DPP6: variants seen among roughly 807,000 people sequenced by gnomAD.
DPP6 encodes dipeptidyl peptidase like 6.
A neutral mutation model predicts 122.6 loss-of-function variants in DPP6; 69 were observed. The observed-to-expected ratio is 0.56, with a 90% CI of 0.46 to 0.69. The LOEUF (loss-of-function observed/expected upper bound fraction) is 0.69. DPP6 is among the 30% of genes least tolerant of loss of function. The pLI is 0.00. For synonymous variants in DPP6, 418 were observed against 433.1 expected, an observed-to-expected ratio of 0.97 and a Z score of 0.43; for missense variants, 928 against 1,116.9, an observed-to-expected ratio of 0.83 and a Z score of 2.41.
At chr7:154,205,286 A>C (rs1478969851) in intron 1 of DPP6, among the ~76,000 whole-genome samples, 1 of 152,316 alleles carries the variant, frequency 6.6e-6, no homozygotes, top group African/African-American at 2.4e-5. Context: ...TAGTCATGAT[A>C]CAGGACATTT....
chr7:153,783,412 TG>T, the DPP6 span, among the ~76,000 whole-genome samples: 1 of 152,054 alleles, frequency 6.6e-6, no homozygotes, highest in Non-Finnish European at 1.5e-5. Context: ...AAGAACAGCC[TG>T]GGGGGAACCA....
At chr7:154,482,119 T>C (rs1260058361) in intron 3 of DPP6, among the ~76,000 whole-genome samples, 1 of 152,222 alleles carries the variant, frequency 6.6e-6, no homozygotes, top group Admixed American at 6.5e-5. Context: ...GTGAGGATCA[T>C]GCAGATGAGT....
At chr7:154,334,085 T>G (rs1809183929) in intron 1 of DPP6, among the ~76,000 whole-genome samples, 1 of 152,092 alleles carries the variant, frequency 6.6e-6, no homozygotes, top group Non-Finnish European at 1.5e-5. Flanking sequence ...CGGTTATAGG[T>G]GTATCATCAA....
upstream of DPP6, among the ~76,000 whole-genome samples, chr7:153,884,987 A>AATACAC (rs1209555021): frequency 2.7e-4 from 31 of 116,466 alleles, no homozygotes; most frequent in Middle Eastern, 8.8e-3. Context: ...TCAAAACAAA[A>AATACAC]ATATATATAT....
intron 6 of DPP6, among the ~76,000 whole-genome samples, chr7:154,663,280 TG>T (rs1428980452): frequency 7.3e-5 from 4 of 54,790 alleles, no homozygotes; most frequent in African/African-American, 1.1e-4. Flanking sequence ...CATATAGTCA[TG>T]GTGAATCACC....
In DPP6 at chr7:154,130,962, A is replaced by T. The variant is rs1420124376; in HGVS notation, c.243+77899A>T. On this transcript the variant is annotated intron_variant, in intron 1 of 25. Coordinates refer to ENST00000377770, the MANE Select transcript of DPP6 (RefSeq NM_130797.4). ...TAGAGAAATAAGTTTTTGCAGGTGTAGTGAGAGTCAACATGAACATAAACC... is the reference window on the plus strand; with the variant it reads ...TAGAGAAATAAGTTTTTGCAGGTGTTGTGAGAGTCAACATGAACATAAACC... Among the ~76,000 whole-genome samples, 4 of 152,284 alleles carry T rather than the reference A, an allele frequency of 2.6e-5. No individual in the cohort carries two copies. In the South Asian group the frequency reaches 8.3e-4, roughly 32 times the overall value.
At chr7:153,927,944 C>T (rs1163545758) in intron 1 of DPP6, among the ~76,000 whole-genome samples, 2 of 152,140 alleles carry the variant, frequency 1.3e-5, no homozygotes, top group Non-Finnish European at 2.9e-5. Flanking sequence ...AAAAGAATAG[C>T]TTCTGAAGAC....
intron 1 of DPP6, among the ~76,000 whole-genome samples, chr7:154,300,287 G>T (rs1249372322): frequency 6.6e-6 from 1 of 152,216 alleles, no homozygotes; most frequent in Non-Finnish European, 1.5e-5. Context: ...TGCAGTCTTT[G>T]CTAAGTGTGT....
intron 1 of DPP6, among the ~76,000 whole-genome samples, chr7:154,128,496 G>A (rs113395593): frequency 0.41 from 62,740 of 151,840 alleles, 14,130 homozygotes; most frequent in Non-Finnish European, 0.51. Flanking sequence ...CCGCCTCCTG[G>A]GTTCACGCCA....
At chr7:153,936,896 A>C (rs6976477) in intron 1 of DPP6, among the ~76,000 whole-genome samples, 34,341 of 152,064 alleles carry the variant, frequency 0.23, 3,993 homozygotes, top group Middle Eastern at 0.33. Context: ...TCTGTCGTTT[A>C]TGCCAACAGT....
intron 3 of DPP6, among the ~76,000 whole-genome samples, chr7:154,489,042 G>A (rs566757725): frequency 2.3e-4 from 35 of 152,326 alleles, no homozygotes; most frequent in Non-Finnish European, 3.5e-4. Flanking sequence ...AAGCAACACC[G>A]ATATGAACAG....
At chr7:153,938,306 T>C (rs1801550123) in intron 1 of DPP6, among the ~76,000 whole-genome samples, 1 of 152,204 alleles carries the variant, frequency 6.6e-6, no homozygotes, top group Admixed American at 6.5e-5. Context: ...CCATTTTAGA[T>C]GGAAGTCCTG....
At chr7:154,319,387 C>T (rs1585923816) in intron 1 of DPP6, among the ~76,000 whole-genome samples, 1 of 152,134 alleles carries the variant, frequency 6.6e-6, no homozygotes, top group Non-Finnish European at 1.5e-5. Context: ...ACGCTTAGCA[C>T]CAGTGCTAAC....
At chr7:154,226,524 C>T (rs1051318201) in intron 1 of DPP6, among the ~76,000 whole-genome samples, 1 of 152,148 alleles carries the variant, frequency 6.6e-6, no homozygotes, top group Admixed American at 6.5e-5. Flanking sequence ...TTTCTAATGT[C>T]TTAACATTTA....
chr7:154,609,501 A>C (rs1210482164), intron 5 of DPP6, among the ~76,000 whole-genome samples: 1 of 152,208 alleles, frequency 6.6e-6, no homozygotes, highest in African/African-American at 2.4e-5. Flanking sequence ...CCTGTGGTAT[A>C]ATACACTATC....
the DPP6 span, among the ~76,000 whole-genome samples, chr7:153,854,951 A>G: frequency 1.4e-5 from 2 of 146,066 alleles, no homozygotes; most frequent in East Asian, 4.1e-4. Flanking sequence ...ACATGGATGA[A>G]ATTGGAAATC....
intron 1 of DPP6, among the ~76,000 whole-genome samples, chr7:154,090,988 G>A (rs901178838): frequency 6.6e-5 from 10 of 151,274 alleles, no homozygotes; most frequent in Middle Eastern, 3.4e-3. Flanking sequence ...AGGCGTGGTG[G>A]CGGGTGCCTG....
chr7:154,876,937 G>C (rs966968678), intron 20 of DPP6: 2 of 152,282 alleles, frequency 1.3e-5, no homozygotes, highest in African/African-American at 4.8e-5. Flanking sequence ...GCATCTACCA[G>C]GGACCCCCGC....
the DPP6 span, among the ~76,000 whole-genome samples, chr7:153,797,565 A>G: frequency 2.4e-4 from 36 of 152,276 alleles, no homozygotes; most frequent in African/African-American, 7.9e-4. Context: ...GTGTCTTTCT[A>G]TTTCAATATT....
Sources: gnomAD v4.1 joint callset for allele counts (sites outside exome capture counted in the v4.1 genomes callset) on GRCh38, gnomAD v4.1.1 for gene constraint, MANE v1.5 for transcripts, NCBI Gene and HGNC (gene_info 2026-07-23, HGNC 2026-07-21) for gene names.